The following COL13A1 variants were observed in gnomAD, a reference collection of about 807,000 sequenced individuals.
The protein encoded by COL13A1 is collagen alpha-1(XIII) chain.
COL13A1 carries 89 observed loss-of-function variants against 130.9 expected under a neutral mutation model. That is an observed-to-expected ratio of 0.68 (90% CI 0.57 to 0.81). The LOEUF (loss-of-function observed/expected upper bound fraction) is 0.81, where lower values mean the gene tolerates loss of function less well. Ranked by LOEUF, COL13A1 falls within the 30% of genes least tolerant of loss-of-function variation. The pLI is 0.00. For missense variants in COL13A1, 879 were observed against 934.6 expected, an observed-to-expected ratio of 0.94 and a Z score of 0.78; for synonymous variants, 402 against 341.6, an observed-to-expected ratio of 1.18 and a Z score of -1.95.
At chr10:69,878,207 G>A (rs1275125704) in intron 6 of COL13A1, 142 bp downstream of exon 6, 13 of 632,754 alleles carry the variant, frequency 2.1e-5, no homozygotes, top group South Asian at 8.5e-5. Context: ...TGCCTCTCAC[G>A]GCCCCGTTTC....
intron 8 of COL13A1, among the ~76,000 whole-genome samples, chr10:69,887,860 G>C (rs2060752439): frequency 6.6e-6 from 1 of 152,176 alleles, no homozygotes; most frequent in Non-Finnish European, 1.5e-5. Context: ...TCCAGCGAGG[G>C]GGAGGCAGAG....
intron 2 of COL13A1, among the ~76,000 whole-genome samples, chr10:69,851,847 G>A (rs1363629814): frequency 6.6e-6 from 1 of 152,158 alleles, no homozygotes. Context: ...TAGAGGTGGG[G>A]TTTTGCCACG....
chr10:69,812,556 G>T (rs529042110), intron 1 of COL13A1, among the ~76,000 whole-genome samples: 1 of 152,194 alleles, frequency 6.6e-6, no homozygotes, highest in Non-Finnish European at 1.5e-5. Flanking sequence ...CAAGGTGTGG[G>T]CTCTGAGCCA....
intron 2 of COL13A1, among the ~76,000 whole-genome samples, chr10:69,858,115 C>CAAAAAAAAAAAAAAAAAA (rs573668102): frequency 1.0e-4 from 8 of 80,366 alleles, no homozygotes; most frequent in African/African-American, 2.5e-4. Context: ...GACTCCGTCT[C>CAAAAAAAAAAAAAAAAAA]AAAAAAAAAA....
intron 13 of COL13A1, 66 bp from the exon 14 acceptor site, chr10:69,898,631 A>G (rs938981196): frequency 6.8e-7 from 1 of 1,460,686 alleles, no homozygotes; most frequent in Non-Finnish European, 9.4e-7. Context: ...GACTTTTGGC[A>G]TCGATCTGAA....
Position 69,929,017 on chromosome 10 carries a change from A to AAAGG in COL13A1, c.1485+19_1485+22dup, listed in dbSNP as rs1200959525. The AAAGG allele has an allele frequency of 6.2e-7, 1 of 1,608,094 alleles. No individual in the cohort carries two copies. The highest frequency in any genetic ancestry group is 1.1e-5 in the South Asian group (1 of 90,440). ...GCCAGAAGGTAAATCTTATCTTGAC[A>AAAGG]AAGGGGGTGAAGACTTTGCAAGGGC... On this transcript the variant is annotated intron_variant, in intron 28 of 40. Transcript: ENST00000645393.
chr10:69,816,752 GC>G (rs1427169330), intron 1 of COL13A1, among the ~76,000 whole-genome samples: 1 of 152,132 alleles, frequency 6.6e-6, no homozygotes, highest in Non-Finnish European at 1.5e-5. Flanking sequence ...CTGCAGCCTG[GC>G]TAAGAGGAAG....
chr10:69,953,378 T>C (rs2069985985), intron 39 of COL13A1, among the ~76,000 whole-genome samples: 1 of 152,198 alleles, frequency 6.6e-6, no homozygotes, highest in Non-Finnish European at 1.5e-5. Context: ...GCTGTCTGAA[T>C]CCTCACTTGA....
chr10:69,868,143 C>T (rs2058711336), intron 3 of COL13A1, among the ~76,000 whole-genome samples: 1 of 145,576 alleles, frequency 6.9e-6, no homozygotes, highest in Non-Finnish European at 1.5e-5. Context: ...AAAAAAAGCA[C>T]CAGGTATTAG....
chr10:69,804,353 G>T (rs1411492803), intron 1 of COL13A1, among the ~76,000 whole-genome samples: 1 of 152,034 alleles, frequency 6.6e-6, no homozygotes, highest in Admixed American at 6.5e-5. Context: ...GCCTTTTCTA[G>T]CTTCTTGCTT....
chr10:69,808,844 C>T (rs1842262201), intron 1 of COL13A1, among the ~76,000 whole-genome samples: 1 of 152,234 alleles, frequency 6.6e-6, no homozygotes, highest in African/African-American at 2.4e-5. Context: ...GCGTCCCCGG[C>T]CCTGGACCCA....
chr10:69,808,732 C>G (rs1304734878), intron 1 of COL13A1, among the ~76,000 whole-genome samples: 3 of 152,230 alleles, frequency 2.0e-5, no homozygotes, highest in Admixed American at 2.0e-4. Context: ...TTAATTCTAG[C>G]CCAGGACTTT....
chr10:69,827,652 A>G (rs1249930980), intron 2 of COL13A1, among the ~76,000 whole-genome samples: 1 of 151,988 alleles, frequency 6.6e-6, no homozygotes, highest in Non-Finnish European at 1.5e-5. Flanking sequence ...ATAGGGCTTT[A>G]TTTTCTTATG....
At position 69,927,101 on chromosome 10, in the gene COL13A1, G is replaced by A; in HGVS notation, c.1413G>A (p.Leu471=). The A allele has an allele frequency of 6.2e-7, 1 of 1,613,904 alleles. No individual in the cohort carries two copies. Among genetic ancestry groups the A allele is most frequent in the Non-Finnish European group, 8.5e-7 (1 of 1,179,844 alleles). ...INEALQEIRT[L]ALMGPPGLPG... ...TGGTTTTTTAGGAGATCCGGACGCT[G>A]GCCTTGATGGTAAGTTTTGCTCCTC... Residue 471 remains leucine, a synonymous_variant, in exon 27 of 41, where the codon CTG becomes CTA. Transcript: ENST00000645393.
intron 38 of COL13A1, among the ~76,000 whole-genome samples, chr10:69,952,614 T>C (rs1489131647): frequency 6.6e-6 from 1 of 152,122 alleles, no homozygotes; most frequent in Non-Finnish European, 1.5e-5. Context: ...CACCAAAATC[T>C]TCAGTCTGTG....
intron 7 of COL13A1, among the ~76,000 whole-genome samples, chr10:69,880,847 G>C (rs1429030734): frequency 2.0e-5 from 3 of 152,256 alleles, no homozygotes; most frequent in African/African-American, 7.2e-5. Context: ...AGACAGAAGG[G>C]AGAAAGGGCT....
At chr10:69,806,307 AAGC>A (rs1168273402) in intron 1 of COL13A1, among the ~76,000 whole-genome samples, 1 of 152,166 alleles carries the variant, frequency 6.6e-6, no homozygotes, top group Non-Finnish European at 1.5e-5. Context: ...CCAATGGGGA[AAGC>A]AGGTGAGGGG....
At chr10:69,807,605 G>T (rs1841927284) in intron 1 of COL13A1, among the ~76,000 whole-genome samples, 1 of 152,160 alleles carries the variant, frequency 6.6e-6, no homozygotes, top group Non-Finnish European at 1.5e-5. Context: ...TGAAATGCTG[G>T]GATGAGGATG....
At chr10:69,883,601 G>A (rs1186065351) in intron 7 of COL13A1, among the ~76,000 whole-genome samples, 1 of 152,208 alleles carries the variant, frequency 6.6e-6, no homozygotes, top group East Asian at 1.9e-4. Context: ...TAAGCCAGGG[G>A]ATGGTTAGAG....
Sources: gnomAD v4.1 joint callset for allele counts (sites outside exome capture counted in the v4.1 genomes callset) on GRCh38, gnomAD v4.1.1 for gene constraint, MANE v1.5 for transcripts, NCBI Gene and HGNC (gene_info 2026-07-23, HGNC 2026-07-21) for gene names.